The following DAPK1 variants were observed in gnomAD, a reference collection of about 807,000 sequenced individuals.
DAPK1 encodes death associated protein kinase 1, also known as death-associated protein kinase 1.
In DAPK1, 56 loss-of-function variants were observed where a neutral mutation model predicts 144.9. The observed-to-expected ratio is 0.39, with a 90% CI of 0.31 to 0.48. DAPK1 has a LOEUF of 0.48. Among genes scored for constraint, DAPK1 ranks in the 20% least tolerant of loss-of-function variants. DAPK1 has a pLI of 0.95. For synonymous variants in DAPK1, 690 were observed against 749.0 expected (o/e 0.92, Z 1.29); for missense variants, 1,454 against 1,875.4 (o/e 0.78, Z 4.15).
rs35411756 is a variant in DAPK1, at chr9:87,499,956, T to C, written c.62+817T>C. On this transcript the variant is annotated intron_variant, in intron 2 of 25. Coordinates refer to ENST00000408954, the MANE Select transcript of DAPK1 (RefSeq NM_004938.4). ...TTCATACATACATTTAAAACTGAAT[T>C]TATGGAATTTGACTGTGGTGTATTT... 6.0e-3 allele frequency among the ~76,000 whole-genome samples: 918 copies of C among 152,330 alleles called. 5 individuals are homozygous for C. The highest frequency in any genetic ancestry group is 0.018 in the South Asian group (87 of 4,824).
At chr9:87,580,495 C>G (rs1328996143) in intron 2 of DAPK1, among the ~76,000 whole-genome samples, 4 of 152,132 alleles carry the variant, frequency 2.6e-5, no homozygotes, top group Non-Finnish European at 5.9e-5. Flanking sequence ...AGACAACTTG[C>G]CCTAGTTTTC....
chr9:87,557,932 C>T (rs11141886), intron 2 of DAPK1, among the ~76,000 whole-genome samples: 44,470 of 151,594 alleles, frequency 0.29, 6,770 homozygotes, highest in Middle Eastern at 0.41. Flanking sequence ...CAGAGTGAGA[C>T]TCCGTCTGAA....
chr9:87,600,795 G>A (rs1828488265), intron 2 of DAPK1, among the ~76,000 whole-genome samples: 1 of 151,814 alleles, frequency 6.6e-6, no homozygotes, highest in East Asian at 1.9e-4. Flanking sequence ...GCAGCCATCC[G>A]TATCGTTGTT....
At position 87,604,982 on chromosome 9, in the gene DAPK1, C is replaced by A; in HGVS notation, c.91C>A (p.Arg31Ser). Residue 31 changes from arginine (R) to serine (S), a missense_variant, in exon 3 of 26, where the codon CGT (arginine) becomes AGT (serine). Arg to Ser is a moderately radical substitution (Grantham distance 110, BLOSUM62 -1). Transcript: ENST00000408954. Reference protein sequence around the residue: ...SGQFAVVKKCREKSTGLQYAA... With the variant: ...SGQFAVVKKCSEKSTGLQYAA... Reference sequence around the variant, plus strand: ...ACAGTTTGCGGTTGTGAAGAAATGCCGTGAGAAAAGCACCGGCCTCCAGTA... The same window carrying A: ...ACAGTTTGCGGTTGTGAAGAAATGCAGTGAGAAAAGCACCGGCCTCCAGTA... The A allele has an allele frequency of 6.2e-7, 1 of 1,614,058 alleles. No individual in the cohort carries two copies. The highest frequency in any genetic ancestry group is 8.5e-7 in the Non-Finnish European group (1 of 1,179,992).
At chr9:87,568,601 G>T (rs1347655950) in intron 2 of DAPK1, among the ~76,000 whole-genome samples, 1 of 152,192 alleles carries the variant, frequency 6.6e-6, no homozygotes, top group South Asian at 2.1e-4. Flanking sequence ...ATGCAGTGTG[G>T]GTGGCGTCAC....
At chr9:87,652,869 C>A in intron 17 of DAPK1, among the ~76,000 whole-genome samples, 1 of 146,236 alleles carries the variant, frequency 6.8e-6, no homozygotes, top group Admixed American at 6.8e-5. Context: ...CCCCCCGATC[C>A]CGGGTCCTGA....
At chr9:87,660,223 G>C (rs1343788745) in intron 18 of DAPK1, among the ~76,000 whole-genome samples, 2 of 152,154 alleles carry the variant, frequency 1.3e-5, no homozygotes, top group East Asian at 3.9e-4. Flanking sequence ...AGCTTGGTGG[G>C]CCCGGCCTTC....
chr9:87,583,603 C>T (rs1465720381), intron 2 of DAPK1, among the ~76,000 whole-genome samples: 10 of 152,132 alleles, frequency 6.6e-5, no homozygotes, highest in Admixed American at 3.9e-4. Flanking sequence ...TCTAAGCTTG[C>T]GGCCTTCCCC....
chr9:87,639,315 A>C (rs1481429264), intron 4 of DAPK1, 39 bp from the exon 5 acceptor site: 1 of 1,548,716 alleles, frequency 6.5e-7, no homozygotes, highest in African/African-American at 1.4e-5. Context: ...TCAGCATAAC[A>C]TATCATAGCT....
At chr9:87,630,816 G>A (rs1298373544) in intron 3 of DAPK1, among the ~76,000 whole-genome samples, 1 of 152,148 alleles carries the variant, frequency 6.6e-6, no homozygotes, top group South Asian at 2.1e-4. Flanking sequence ...TCTGCTTCAG[G>A]ATGAACAGAG....
intron 2 of DAPK1, among the ~76,000 whole-genome samples, chr9:87,594,817 T>G (rs1039541824): frequency 2.0e-5 from 3 of 152,306 alleles, no homozygotes; most frequent in Non-Finnish European, 2.9e-5. Context: ...AGGCAGCCCT[T>G]TCACCAGTAG....
chr9:87,536,906 T>G (rs1265745629), intron 2 of DAPK1, among the ~76,000 whole-genome samples: 2 of 152,170 alleles, frequency 1.3e-5, no homozygotes, highest in Non-Finnish European at 2.9e-5. Flanking sequence ...AGTAGTGGTG[T>G]TAGTTCTACC....
chr9:87,604,308 C>T (rs753658555), intron 2 of DAPK1, among the ~76,000 whole-genome samples: 6 of 152,060 alleles, frequency 3.9e-5, no homozygotes, highest in African/African-American at 7.2e-5. Flanking sequence ...TCACATGATC[C>T]GTATTTACAG....
chr9:87,650,177 C>A, intron 16 of DAPK1, 59 bp downstream of exon 16: 1 of 1,548,872 alleles, frequency 6.5e-7, no homozygotes, highest in South Asian at 1.1e-5. Flanking sequence ...CTAGAGGGAC[C>A]ACAAGACTCC....
chr9:87,498,355 G>C (rs1316765390), intron 1 of DAPK1, among the ~76,000 whole-genome samples: 1 of 152,160 alleles, frequency 6.6e-6, no homozygotes, highest in African/African-American at 2.4e-5. Context: ...AGGATCTGGA[G>C]CGAACTGCTG....
chr9:87,600,680 A>G (rs906339218), intron 2 of DAPK1, among the ~76,000 whole-genome samples: 4 of 152,224 alleles, frequency 2.6e-5, no homozygotes, highest in Admixed American at 6.5e-5. Flanking sequence ...GCTTTATCAA[A>G]ATTAAATGTC....
chr9:87,655,933 C>T (rs943774485), intron 17 of DAPK1, among the ~76,000 whole-genome samples: 2 of 152,208 alleles, frequency 1.3e-5, no homozygotes, highest in Admixed American at 6.5e-5. Context: ...CTGTGCCCAG[C>T]GCAGAGGGAG....
chr9:87,656,810 A>T (rs1830644318), intron 17 of DAPK1, among the ~76,000 whole-genome samples: 1 of 152,166 alleles, frequency 6.6e-6, no homozygotes, highest in Non-Finnish European at 1.5e-5. Context: ...GTGGGCTATG[A>T]CCACATCTCG....
At chr9:87,643,815 G>A (rs1226377603) in intron 11 of DAPK1, among the ~76,000 whole-genome samples, 1 of 152,020 alleles carries the variant, frequency 6.6e-6, no homozygotes, top group African/African-American at 2.4e-5. Context: ...TGATATTTTG[G>A]TAAAAGAGAG....
Sources: allele counts gnomAD v4.1 joint callset (sites outside exome capture counted in the v4.1 genomes callset), GRCh38; gene constraint gnomAD v4.1.1; transcripts MANE v1.5; gene names NCBI Gene and HGNC (gene_info 2026-07-23, HGNC 2026-07-21).